NCOR2: variants seen among roughly 807,000 people sequenced by gnomAD.
NCOR2 encodes the protein nuclear receptor corepressor 2, also known as CTG repeat protein 26.
NCOR2 carries 81 observed loss-of-function variants against 262.9 expected under a neutral mutation model. That is an observed-to-expected ratio of 0.31 (90% CI 0.26 to 0.37). The LOEUF (loss-of-function observed/expected upper bound fraction) is 0.37, where lower values mean the gene tolerates loss of function less well. Ranked by LOEUF, NCOR2 falls within the 10% of genes least tolerant of loss-of-function variation. NCOR2 has a pLI of 1.00. For synonymous variants in NCOR2, 1,659 were observed against 1,559.3 expected, an observed-to-expected ratio of 1.06 and a Z score of -1.51; for missense variants, 3,385 against 3,621.4, an observed-to-expected ratio of 0.93 and a Z score of 1.68.
At chr12:124,327,587 G>A in exon 45 of NCOR2, 1 of 1,613,382 alleles carries the variant, frequency 6.2e-7, no homozygotes, top group Non-Finnish European at 8.5e-7. Flanking sequence ...GCCCCATGTT[G>A]GTGCTGGCAT....
intron 17 of NCOR2, among the ~76,000 whole-genome samples, chr12:124,381,580 C>T (rs1049020487): frequency 1.3e-5 from 2 of 152,214 alleles, no homozygotes; most frequent in Admixed American, 6.5e-5. Context: ...ATGAATGAAC[C>T]TGATAGACAG....
At chr12:124,463,442 C>T (rs538473353) in intron 5 of NCOR2, among the ~76,000 whole-genome samples, 1 of 152,372 alleles carries the variant, frequency 6.6e-6, no homozygotes, top group East Asian at 1.9e-4. Context: ...ACCCTGATGG[C>T]TGCCCTGCCA....
At chr12:124,359,349 A>G (rs1244071) in intron 22 of NCOR2, among the ~76,000 whole-genome samples, 139,193 of 152,270 alleles carry the variant, frequency 0.91, 64,363 homozygotes, top group Non-Finnish European at 0.98. Flanking sequence ...TCAGGGTGTG[A>G]CAGCGGAGGA....
rs2050795196 is a variant in NCOR2, at chr12:124,531,797, C to A, written c.-118+3768G>T. 6.6e-6 allele frequency among the ~76,000 whole-genome samples: 1 copy of A among 151,980 alleles called. No homozygotes were observed. ...CCTACACACCTTCGGTGTCCCCGAT[C>A]ACCCGCCCAGGGTACCCCGAGACCC... is the stretch of plus-strand genomic sequence containing the variant. On this transcript the variant is annotated intron_variant, in intron 1 of 46. Coordinates refer to the NCOR2 transcript ENST00000404621. This position sits in a 1 kb window ranked among gnomAD's most constrained non-coding sequence, Gnocchi z 4.5.
upstream of NCOR2, chr12:124,537,728 C>T (rs1253268110): frequency 6.6e-6 from 1 of 152,316 alleles, no homozygotes; most frequent in African/African-American, 2.4e-5. Flanking sequence ...AGCCAAGCTC[C>T]GAGAGGCCAG....
In NCOR2 at chr12:124,326,195, G is replaced by A. The variant is rs199646358; in HGVS notation, c.7359C>T (p.Ser2453=). ...CTGTCCCCACCTGGTGCCCACCTGCGGACGAGGGCCTGTCCTCCCACACGC... is the reference window on the plus strand; with the variant it reads ...CTGTCCCCACCTGGTGCCCACCTGCAGACGAGGGCCTGTCCTCCCACACGC... The change falls in exon 46 of 47, where the codon TCC becomes TCT. Residue 2453 remains serine, a synonymous_variant. Transcript: ENST00000405201. 2.9e-4 allele frequency: 446 copies of A among 1,524,860 alleles called. 3 individuals are homozygous for A. In the East Asian group the frequency reaches 6.2e-3, roughly 21 times the overall value. 94.5% of individuals were successfully genotyped at this position (1,524,860 alleles called of 1,614,324 possible).
At chr12:124,445,672 C>T (rs929105466) in intron 7 of NCOR2, among the ~76,000 whole-genome samples, 6 of 152,180 alleles carry the variant, frequency 3.9e-5, no homozygotes, top group African/African-American at 1.4e-4. Flanking sequence ...GCTGGATCAT[C>T]TCATTGTCCC....
chr12:124,407,460 C>T (rs1234551724), intron 13 of NCOR2, among the ~76,000 whole-genome samples: 1 of 152,194 alleles, frequency 6.6e-6, no homozygotes, highest in East Asian at 1.9e-4. Flanking sequence ...AGGGCTAACA[C>T]CCATGCTCAG....
intron 10 of NCOR2, among the ~76,000 whole-genome samples, chr12:124,427,313 C>A (rs1306627991): frequency 6.6e-6 from 1 of 152,172 alleles, no homozygotes; most frequent in African/African-American, 2.4e-5. Flanking sequence ...CTCCCGGCAC[C>A]CCGCTCCTTC....
chr12:124,341,114 T>C (rs949273082), intron 34 of NCOR2, among the ~76,000 whole-genome samples: 4 of 152,238 alleles, frequency 2.6e-5, no homozygotes, highest in African/African-American at 9.6e-5. Flanking sequence ...CTTTTCCAGC[T>C]GAGCCCCAGC....
chr12:124,537,443 A>G (rs2051149751), upstream of NCOR2, among the ~76,000 whole-genome samples: 1 of 152,220 alleles, frequency 6.6e-6, no homozygotes, highest in Admixed American at 6.5e-5. Context: ...GCAGTGCTCA[A>G]GCTCTGAAGC....
In NCOR2 at chr12:124,517,410, T is replaced by C. The variant is rs1248889006; in HGVS notation, c.-118+18155A>G. Among the ~76,000 whole-genome samples, 1 of 152,076 alleles carries C rather than the reference T, an allele frequency of 6.6e-6. No individual in the cohort carries two copies. Among genetic ancestry groups the C allele is most frequent in the Non-Finnish European group, 1.5e-5 (1 of 67,992 alleles). ...TGAGCTCGGGAAGCCCTTCCAACTTTCCAGTGTTTATCCCGGCTCCTCGCT... is the reference window on the plus strand; with the variant it reads ...TGAGCTCGGGAAGCCCTTCCAACTTCCCAGTGTTTATCCCGGCTCCTCGCT... On this transcript the variant is annotated intron_variant, in intron 1 of 46. Transcript: ENST00000404621. This position sits in a 1 kb window ranked among gnomAD's most constrained non-coding sequence, Gnocchi z 7.6.
intron 1 of NCOR2, among the ~76,000 whole-genome samples, chr12:124,487,571 C>A (rs1184962518): frequency 6.6e-6 from 1 of 152,250 alleles, no homozygotes. Flanking sequence ...AACCCCCCAC[C>A]CTCAAGCGCT....
intron 1 of NCOR2, among the ~76,000 whole-genome samples, chr12:124,507,622 C>T (rs1482851939): frequency 6.6e-6 from 1 of 152,266 alleles, no homozygotes; most frequent in Non-Finnish European, 1.5e-5. Context: ...CCCTCGGAAG[C>T]GCCCGATAAG....
At chr12:124,348,467 C>G in intron 28 of NCOR2, 153 bp from the exon 31 acceptor site, 1 of 1,074,784 alleles carries the variant, frequency 9.3e-7, no homozygotes, top group South Asian at 1.7e-5. Flanking sequence ...CCAGAGGGAG[C>G]TGGCAGCCTG....
At chr12:124,426,749 C>T in exon 11 of NCOR2, 1 of 1,605,810 alleles carries the variant, frequency 6.2e-7, no homozygotes, top group Non-Finnish European at 8.5e-7. Context: ...TGGTCAGCGT[C>T]GTACAGCATG....
At chr12:124,533,515 C>A (rs912832074) in intron 1 of NCOR2, among the ~76,000 whole-genome samples, 5 of 152,116 alleles carry the variant, frequency 3.3e-5, no homozygotes, top group African/African-American at 1.2e-4. Flanking sequence ...GTTCCTCAGC[C>A]TGGTGCTCAC....
In NCOR2 at chr12:124,357,792, A is replaced by ATG. The variant is rs374836745; in HGVS notation, c.3101-1012_3101-1011dup. ...ACAATGTTGAAGGAGGTAACCTGTG[A>ATG]TGTGTGTGTGTGTGTGCGCGCACGC... On this transcript the variant is annotated intron_variant, in intron 22 of 46. Transcript: ENST00000405201. Among the ~76,000 whole-genome samples, 123 of 151,694 alleles carry ATG rather than the reference A, an allele frequency of 8.1e-4. 1 individual carries two copies. Among genetic ancestry groups the ATG allele is most frequent in the East Asian group, 3.7e-3 (19 of 5,140 alleles).
At chr12:124,510,031 AAG>A (rs1344142208) in intron 1 of NCOR2, among the ~76,000 whole-genome samples, 2 of 152,124 alleles carry the variant, frequency 1.3e-5, no homozygotes, top group African/African-American at 4.8e-5. Flanking sequence ...GGCCAGAAAA[AAG>A]AGGCATTGTC....
Sources: allele counts gnomAD v4.1 joint callset (sites outside exome capture counted in the v4.1 genomes callset), GRCh38; gene constraint gnomAD v4.1.1; non-coding constraint Gnocchi (gnomAD v3.1); transcripts MANE v1.5; gene names NCBI Gene and HGNC (gene_info 2026-07-23, HGNC 2026-07-21).